Variants in PDCD6IP observed in about 807,000 individuals in gnomAD.
PDCD6IP encodes programmed cell death 6-interacting protein.
A neutral mutation model predicts 103.7 loss-of-function variants in PDCD6IP; 43 were observed. The observed-to-expected ratio is 0.41, with a 90% confidence interval of 0.32 to 0.53. PDCD6IP has a LOEUF of 0.53. Ranked by LOEUF, PDCD6IP falls within the 20% of genes least tolerant of loss-of-function variation. The probability of loss-of-function intolerance (pLI) is 0.16; values close to 1 mark genes in which losing one functional copy is unlikely to be tolerated. For missense variants in PDCD6IP, 871 were observed against 1,036.7 expected (o/e 0.84, Z 2.20); for synonymous variants, 354 against 378.7 (o/e 0.93, Z 0.76).
chr3:33,852,752 T>G lies in PDCD6IP; in HGVS notation c.1890+16T>G, dbSNP rs1282909172. Reference sequence around the variant, plus strand: ...AAATATTCAGGTGAAATTTATATATTTAATAAGATCTGTGTTTTAAAAATT... The same window carrying G: ...AAATATTCAGGTGAAATTTATATATGTAATAAGATCTGTGTTTTAAAAATT... On this transcript the variant is annotated intron_variant, in intron 13 of 17. Coordinates refer to ENST00000307296, the MANE Select transcript of PDCD6IP (RefSeq NM_013374.6). 6.3e-7 allele frequency: 1 copy of G among 1,575,762 alleles called. No individual in the cohort carries two copies. The highest frequency in any genetic ancestry group is 1.9e-5 in the Admixed American group (1 of 51,338).
intron 1 of PDCD6IP, among the ~76,000 whole-genome samples, chr3:33,810,885 C>G (rs1487213589): frequency 1.3e-5 from 2 of 148,978 alleles, no homozygotes; most frequent in African/African-American, 4.9e-5. Context: ...TCTGCCTTCT[C>G]ATGTTTGTGG....
chr3:33,864,398 A>G (rs892030037), intron 16 of PDCD6IP, among the ~76,000 whole-genome samples: 1 of 152,214 alleles, frequency 6.6e-6, no homozygotes. Context: ...AAATTATGCT[A>G]TTAGGAAACA....
chr3:33,822,253 A>G (rs1013846792), intron 4 of PDCD6IP, among the ~76,000 whole-genome samples, 171 bp downstream of exon 4: 1 of 152,232 alleles, frequency 6.6e-6, no homozygotes, highest in Non-Finnish European at 1.5e-5. Context: ...TAAACTGTCT[A>G]TAGACCAGGT....
chr3:33,834,143 ACTT>A (rs1166234201), intron 7 of PDCD6IP, among the ~76,000 whole-genome samples: 6 of 151,632 alleles, frequency 4.0e-5, no homozygotes, highest in Non-Finnish European at 7.4e-5. Flanking sequence ...TAATCTGTCT[ACTT>A]CTTTTTCTCA....
rs1355713515 is a variant in PDCD6IP, at chr3:33,821,964, G to A, written c.344G>A (p.Ser115Asn). ...FGGSVKLALA[S>N]LGYEKSCVLF... ...TCTCAATTTTTTACAGCTCTTGCAA[G>A]CTTAGGATATGAAAAGAGCTGTGTG... The change falls in exon 4 of 18, where the codon AGC (serine) becomes AAC (asparagine). Residue 115 changes from serine (S) to asparagine (N), a missense_variant. Coordinates refer to ENST00000307296, the MANE Select transcript of PDCD6IP (RefSeq NM_013374.6). 15 of 1,611,972 alleles carry A rather than the reference G, an allele frequency of 9.3e-6. No homozygotes were observed. Among genetic ancestry groups the A allele is most frequent in the Non-Finnish European group, 1.3e-5 (15 of 1,179,408 alleles).
intron 7 of PDCD6IP, among the ~76,000 whole-genome samples, chr3:33,832,727 C>G (rs1486231787): frequency 2.0e-5 from 3 of 152,106 alleles, no homozygotes; most frequent in Non-Finnish European, 2.9e-5. Flanking sequence ...TGTTCATACT[C>G]CAGTTCCATA....
At chr3:33,834,601 T>G (rs1202614577) in intron 7 of PDCD6IP, among the ~76,000 whole-genome samples, 1 of 152,228 alleles carries the variant, frequency 6.6e-6, no homozygotes, top group Non-Finnish European at 1.5e-5. Context: ...TACGAAGATT[T>G]TAAAAAATCA....
rs1698137731 is a variant in PDCD6IP at position 33,869,379 on chromosome 3, A to G, written c.*2854A>G. ...AGTACAGAACAAGGTATAAAGGAAA[A>G]AACCCTGCTAGGTAGTGTTATAATT... On this transcript the variant is annotated 3_prime_UTR_variant, in exon 18 of 18. Coordinates refer to ENST00000307296, the MANE Select transcript of PDCD6IP (RefSeq NM_013374.6). The G allele has an allele frequency of 6.6e-6, 1 of 152,204 alleles. No individual in the cohort carries two copies. The highest frequency in any genetic ancestry group is 1.5e-5 in the Non-Finnish European group (1 of 68,038). 9.4% of individuals were successfully genotyped at this position (152,204 alleles called of 1,614,324 possible).
At chr3:33,839,359 G>A (rs1697420330) in intron 9 of PDCD6IP, among the ~76,000 whole-genome samples, 1 of 152,028 alleles carries the variant, frequency 6.6e-6, no homozygotes, top group African/African-American at 2.4e-5. Flanking sequence ...CTTAGAATGT[G>A]TTTTGCTTTT....
chr3:33,817,858 T>C (rs1251057128), intron 3 of PDCD6IP, among the ~76,000 whole-genome samples: 1 of 151,862 alleles, frequency 6.6e-6, no homozygotes, highest in Non-Finnish European at 1.5e-5. Context: ...GAAAATTAAA[T>C]ATTGTTTTGA....
chr3:33,834,692 A>G lies in PDCD6IP; in HGVS notation c.835-1352A>G, dbSNP rs147547725. On this transcript the variant is annotated intron_variant, in intron 7 of 17. Transcript: ENST00000307296. ...TTAACTTATTATTTTGGAGAATTAT[A>G]TAAGTAGATTTTCTAGTATTAAACC... Among the ~76,000 whole-genome samples the G allele has an allele frequency of 4.6e-5, 7 of 152,354 alleles. 1 individual carries two copies. In the East Asian group the frequency reaches 7.7e-4, roughly 17 times the overall value.
At chr3:33,828,374 A>C (rs1026262494) in intron 6 of PDCD6IP, 1 of 152,100 alleles carries the variant, frequency 6.6e-6, no homozygotes, top group Non-Finnish European at 1.5e-5. Context: ...CTTTTTTTTA[A>C]AACATGATGA....
intron 15 of PDCD6IP, among the ~76,000 whole-genome samples, chr3:33,859,285 A>C (rs1559798203): frequency 2.6e-5 from 4 of 152,170 alleles, no homozygotes; most frequent in Admixed American, 1.3e-4. Context: ...AGAATGGAGG[A>C]GAATTCCGTA....
chr3:33,799,800 C>A (rs1436008856), intron 1 of PDCD6IP, among the ~76,000 whole-genome samples: 4 of 152,114 alleles, frequency 2.6e-5, no homozygotes, highest in Non-Finnish European at 5.9e-5. Flanking sequence ...GTAGCAGAAA[C>A]CCAGGCTAAA....
chr3:33,848,081 A>G (rs1192586556), intron 12 of PDCD6IP, among the ~76,000 whole-genome samples: 3 of 152,266 alleles, frequency 2.0e-5, no homozygotes, highest in African/African-American at 7.2e-5. Flanking sequence ...TTCACAGACT[A>G]GTGGAGGATC....
chr3:33,859,626 G>C (rs1575946142), intron 15 of PDCD6IP, among the ~76,000 whole-genome samples: 1 of 152,060 alleles, frequency 6.6e-6, no homozygotes, highest in Admixed American at 6.5e-5. Flanking sequence ...ATTAAAATTA[G>C]TCTGAAGTAA....
chr3:33,863,921 A>G, intron 15 of PDCD6IP, 85 bp from the exon 16 acceptor site: 1 of 837,198 alleles, frequency 1.2e-6, no homozygotes. Context: ...TCTATGTTTC[A>G]TGTATGAAGA....
rs5847794 is a variant in PDCD6IP, at chr3:33,866,343, T to TCTCA, written c.2433-6_2433-5insCACT. 85 of 1,473,538 alleles carry TCTCA rather than the reference T, an allele frequency of 5.8e-5. No homozygotes were observed. The African/African-American group carries it at 1.2e-3, about 20-fold the overall frequency. The allele number at this position is 1,473,538 out of a possible 1,614,324, so 91.3% of individuals were successfully genotyped here. ...ACCAATCAAGATTTTTCTGTTTTCT[T>TCTCA]CTATCAGGTATTGCCAAATGCCCAT... is the stretch of plus-strand genomic sequence containing the variant. On this transcript the variant is annotated splice_region_variant and splice_polypyrimidine_tract_variant and intron_variant, in intron 17 of 17. Coordinates refer to ENST00000307296, the MANE Select transcript of PDCD6IP (RefSeq NM_013374.6).
At chr3:33,820,395 G>A (rs977589046) in intron 3 of PDCD6IP, among the ~76,000 whole-genome samples, 12 of 151,912 alleles carry the variant, frequency 7.9e-5, no homozygotes, top group East Asian at 7.7e-4. Flanking sequence ...AAGTAGAGTC[G>A]TAGACTGCAT....
Sources: gnomAD v4.1 joint callset for allele counts (sites outside exome capture counted in the v4.1 genomes callset) on GRCh38, gnomAD v4.1.1 for gene constraint, MANE v1.5 for transcripts, NCBI Gene and HGNC (gene_info 2026-07-23, HGNC 2026-07-21) for gene names.